The following DNAH14 variants were observed in gnomAD, a reference collection of about 807,000 sequenced individuals.
DNAH14 encodes the protein axonemal beta dynein heavy chain 14.
A neutral mutation model predicts 520.9 loss-of-function variants in DNAH14; 478 were observed. The observed-to-expected ratio is 0.92, with a 90% CI of 0.85 to 0.99. The LOEUF is 0.99. Among genes scored for constraint, DNAH14 ranks in the 50% least tolerant of loss-of-function variants. The pLI is 0.00. For missense variants in DNAH14, 4,831 were observed against 5,234.5 expected, an observed-to-expected ratio of 0.92 and a Z score of 2.38; for synonymous variants, 1,581 against 1,757.2, an observed-to-expected ratio of 0.90 and a Z score of 2.51.
At chr1:225,189,414 C>CTT (rs80207047) in intron 37 of DNAH14, among the ~76,000 whole-genome samples, 8,213 of 110,710 alleles carry the variant, frequency 0.074, 447 homozygotes, top group East Asian at 0.39. Flanking sequence ...TCTTTCTTTT[C>CTT]TTTTTTTTTT....
chr1:225,075,294 G>C (rs1477257196), intron 17 of DNAH14, among the ~76,000 whole-genome samples: 1 of 152,042 alleles, frequency 6.6e-6, no homozygotes, highest in Non-Finnish European at 1.5e-5. Flanking sequence ...GCTTTTCTCT[G>C]TTCTCCGTGG....
chr1:225,005,184 A>G (rs1224409030), intron 9 of DNAH14, among the ~76,000 whole-genome samples: 1 of 152,120 alleles, frequency 6.6e-6, no homozygotes, highest in East Asian at 1.9e-4. Flanking sequence ...ACTTTGGATC[A>G]TGTTTCATAT....
intron 36 of DNAH14, among the ~76,000 whole-genome samples, chr1:225,184,581 C>A (rs1371438149): frequency 2.0e-5 from 3 of 152,080 alleles, no homozygotes; most frequent in East Asian, 3.9e-4. Context: ...GATTGTACCA[C>A]TGCACACCAG....
intron 55 of DNAH14, among the ~76,000 whole-genome samples, chr1:225,293,275 A>G (rs897730401): frequency 1.5e-4 from 23 of 152,200 alleles, no homozygotes; most frequent in Admixed American, 6.5e-5. Context: ...AGTTCCTCAG[A>G]GACCTAAAGA....
At chr1:225,308,975 A>C (rs1266323294) in intron 60 of DNAH14, among the ~76,000 whole-genome samples, 3 of 152,238 alleles carry the variant, frequency 2.0e-5, no homozygotes, top group African/African-American at 7.2e-5. Flanking sequence ...AAGCAACTCC[A>C]TCAATTAAAA....
At position 224,974,262 on chromosome 1, in the gene DNAH14, A is replaced by G. The variant is rs1572165696; in HGVS notation, c.830+109A>G. On this transcript the variant is annotated intron_variant, in intron 8 of 85. Transcript: ENST00000682510. ...TTTCATTCAGTGATTAGAAAGTCACATTCCATTGCTTTACGATTAAACTTA... is the reference window on the plus strand; with the variant it reads ...TTTCATTCAGTGATTAGAAAGTCACGTTCCATTGCTTTACGATTAAACTTA... The G allele has an allele frequency of 2.5e-5, 16 of 640,292 alleles. No homozygotes were observed. In the South Asian group the frequency reaches 5.1e-4, roughly 21 times the overall value. 39.7% of individuals were successfully genotyped at this position (640,292 alleles called of 1,614,324 possible). A position where few individuals can be genotyped will look rare whatever the true frequency, so the allele number is the denominator to read the frequency against.
At chr1:225,392,701 T>C (rs1017480178) in intron 84 of DNAH14, among the ~76,000 whole-genome samples, 8 of 152,258 alleles carry the variant, frequency 5.3e-5, no homozygotes, top group African/African-American at 1.4e-4. Context: ...ACAGACTTTC[T>C]AAGTATCCCC....
chr1:225,013,180 C>A lies in DNAH14; in HGVS notation c.1107+5636C>A, dbSNP rs1389361972. 2.0e-5 allele frequency among the ~76,000 whole-genome samples: 3 copies of A among 151,936 alleles called. No homozygotes were observed. The East Asian group carries it at 5.8e-4, about 29-fold the overall frequency. On this transcript the variant is annotated intron_variant, in intron 10 of 85. Coordinates refer to ENST00000682510, the MANE Select transcript of DNAH14 (RefSeq NM_001367479.1). ...CATTTTTTTTTTGTTGATGTTGATT[C>A]CATTGCTTTCTGTTTGTTAGTTTTG...
intron 41 of DNAH14, among the ~76,000 whole-genome samples, chr1:225,215,356 T>A (rs1434079225): frequency 6.6e-6 from 1 of 152,168 alleles, no homozygotes; most frequent in Non-Finnish European, 1.5e-5. Flanking sequence ...ATAAATGCGA[T>A]GTGGTGCTGA....
At chr1:225,175,482 A>G (rs545382386) in intron 36 of DNAH14, among the ~76,000 whole-genome samples, 3 of 151,970 alleles carry the variant, frequency 2.0e-5, no homozygotes, top group Non-Finnish European at 4.4e-5. Context: ...GGTATCAGCT[A>G]TAATGTCTCC....
At chr1:225,184,421 A>G (rs957771193) in intron 36 of DNAH14, among the ~76,000 whole-genome samples, 1 of 152,128 alleles carries the variant, frequency 6.6e-6, no homozygotes, top group Non-Finnish European at 1.5e-5. Flanking sequence ...GGAGTTCAAG[A>G]CCAACCTGGT....
At chr1:224,997,074 T>G (rs1372620587) in intron 8 of DNAH14, among the ~76,000 whole-genome samples, 1 of 152,122 alleles carries the variant, frequency 6.6e-6, no homozygotes, top group African/African-American at 2.4e-5. Context: ...GAGGGAGCTA[T>G]GCTGTTAGCT....
At chr1:225,267,626 A>G (rs1476364035) in intron 49 of DNAH14, among the ~76,000 whole-genome samples, 4 of 152,084 alleles carry the variant, frequency 2.6e-5, no homozygotes, top group African/African-American at 9.7e-5. Context: ...TAGAAATTCA[A>G]ATGCACTTTT....
chr1:225,274,893 AT>A (rs977631284), intron 52 of DNAH14, among the ~76,000 whole-genome samples: 8 of 152,244 alleles, frequency 5.3e-5, no homozygotes, highest in Non-Finnish European at 8.8e-5. Context: ...CTTAAAAAAA[AT>A]AAAACTCTAA....
intron 11 of DNAH14, chr1:225,024,113 G>T: frequency 9.5e-7 from 1 of 1,055,810 alleles, no homozygotes; most frequent in Admixed American, 4.9e-5. Flanking sequence ...TATACTTCAA[G>T]TATTACCTAT....
chr1:225,201,026 G>A (rs1216990444), intron 38 of DNAH14, among the ~76,000 whole-genome samples: 1 of 151,570 alleles, frequency 6.6e-6, no homozygotes, highest in Admixed American at 6.6e-5. Flanking sequence ...CATAATCCCA[G>A]ACTTCTTGGA....
At position 225,368,592 on chromosome 1, in the gene DNAH14, G is replaced by A. The variant is rs779548200; in HGVS notation, c.12318+560G>A. Among the ~76,000 whole-genome samples, 16 of 152,056 alleles carry A rather than the reference G, an allele frequency of 1.1e-4. No individual in the cohort carries two copies. The South Asian group carries it at 1.2e-3, about 12-fold the overall frequency. ...TTTTCTTTATTGCTAAATTAAACAC[G>A]TGGTAGCATCTGCTTAAGTTTTTCC... On this transcript the variant is annotated intron_variant, in intron 77 of 85. Transcript: ENST00000682510.
In DNAH14 at chr1:225,051,637, C is replaced by T; in HGVS notation, c.2266C>T (p.His756Tyr). ...AAATAGATTCAGAAACTATTTTAGA[C>T]ATATTGTGAATATGGCCATTGAGAA... ...ILNRFRNYFRHIVNMAIEKRI... is the reference protein window; with the variant it reads ...ILNRFRNYFRYIVNMAIEKRI... The change falls in exon 17 of 86, where the codon CAT (histidine) becomes TAT (tyrosine). Residue 756 changes from histidine (H) to tyrosine (Y), a missense_variant. Physicochemically the swap from His to Tyr is moderately conservative, Grantham distance 83. Coordinates refer to ENST00000682510, the MANE Select transcript of DNAH14 (RefSeq NM_001367479.1). 5.2e-6 allele frequency: 8 copies of T among 1,550,908 alleles called. No individual in the cohort carries two copies. Among genetic ancestry groups the T allele is most frequent in the Non-Finnish European group, 7.0e-6 (8 of 1,146,516 alleles).
rs1290587948 is a variant in DNAH14, at chr1:225,200,854, T to C, written c.5887-3329T>C. Among the ~76,000 whole-genome samples the C allele has an allele frequency of 3.3e-5, 5 of 152,184 alleles. No homozygotes were observed. The East Asian group carries it at 9.6e-4, about 29-fold the overall frequency. On this transcript the variant is annotated intron_variant, in intron 38 of 85. Transcript: ENST00000682510. ...TGCCTACGCGATGATCTTTTTGCAA[T>C]GAATTTCCCAGGTGTTCATCGAGCT...
Sources: gnomAD v4.1 joint callset for allele counts (sites outside exome capture counted in the v4.1 genomes callset) on GRCh38, gnomAD v4.1.1 for gene constraint, MANE v1.5 for transcripts, NCBI Gene and HGNC (gene_info 2026-07-23, HGNC 2026-07-21) for gene names.